The following PACC1 variants were observed in gnomAD, a reference collection of about 807,000 sequenced individuals.
PACC1 encodes proton activated chloride channel 1, also known as proton-activated chloride channel.
PACC1 carries 34 observed loss-of-function variants against 39.7 expected under a neutral mutation model. That is an observed-to-expected ratio of 0.86 (90% CI 0.65 to 1.14). PACC1 has a LOEUF of 1.14. Among genes scored for constraint, PACC1 ranks in the 50% most tolerant of loss-of-function variants. The pLI is 0.00. For missense variants in PACC1, 379 were observed against 436.4 expected (o/e 0.87, Z 1.17); for synonymous variants, 127 against 160.6 (o/e 0.79, Z 1.58).
intron 2 of PACC1, among the ~76,000 whole-genome samples, chr1:212,394,868 C>A (rs1025540098): frequency 2.0e-5 from 3 of 152,128 alleles, no homozygotes; most frequent in African/African-American, 4.8e-5. Context: ...ACCTAGGAAT[C>A]CAACTTACAA....
rs527628054 is a variant in PACC1 at position 212,375,936 on chromosome 1, C to T, written c.784-636G>A. On this transcript the variant is annotated intron_variant, in intron 6 of 7. Transcript: ENST00000261455. ...ACCATATTCAAACTACCATGTAAGA[C>T]TCACAATTAAAAGCAATAAAAATTC... 1.2e-4 allele frequency among the ~76,000 whole-genome samples: 18 copies of T among 152,294 alleles called. No individual in the cohort carries two copies. The South Asian group carries it at 3.5e-3, about 30-fold the overall frequency.
At chr1:212,408,874 C>A (rs1317468410) in intron 2 of PACC1, among the ~76,000 whole-genome samples, 1 of 152,212 alleles carries the variant, frequency 6.6e-6, no homozygotes, top group Non-Finnish European at 1.5e-5. Flanking sequence ...TCTAGTAGAA[C>A]AGGGGTCCCC....
At chr1:212,411,264 A>G (rs563292050) in intron 1 of PACC1, among the ~76,000 whole-genome samples, 61 of 152,340 alleles carry the variant, frequency 4.0e-4, no homozygotes, top group Non-Finnish European at 7.1e-4. Context: ...TCCCAAAGGA[A>G]GAGGAAATAC....
chr1:212,374,109 G>A lies in PACC1; in HGVS notation c.891+1084C>T, dbSNP rs73086404. On this transcript the variant is annotated intron_variant, in intron 7 of 7. Coordinates refer to ENST00000261455, the MANE Select transcript of PACC1 (RefSeq NM_018252.3). ...AGATATCCGCACTCCCATGTTTACT[G>A]TAGCACTATTCACAACAGCCAAGAT... is the stretch of plus-strand genomic sequence containing the variant. Among the ~76,000 whole-genome samples, 250 of 151,428 alleles carry A rather than the reference G, an allele frequency of 1.7e-3. 2 individuals are homozygous for A. Among genetic ancestry groups the A allele is most frequent in the African/African-American group, 5.9e-3 (242 of 41,270 alleles).
chr1:212,365,009 G>A lies in PACC1; in HGVS notation c.*206C>T, dbSNP rs1660178724. On this transcript the variant is annotated 3_prime_UTR_variant, in exon 8 of 8. Transcript: ENST00000261455. ...AATAATTTAAATATTTAAATAACTT[G>A]TAGGTTTATCCATTAGTCTCTTCTA... The A allele has an allele frequency of 2.7e-6, 1 of 373,228 alleles. No homozygotes were observed. The highest frequency in any genetic ancestry group is 2.1e-5 in the African/African-American group (1 of 47,810). The allele number at this position is 373,228 out of a possible 1,614,324, so 23.1% of individuals were successfully genotyped here.
chr1:212,370,076 C>T (rs113602172), intron 7 of PACC1, among the ~76,000 whole-genome samples: 5,204 of 152,160 alleles, frequency 0.034, 294 homozygotes, highest in African/African-American at 0.12. Flanking sequence ...CATCAACGTC[C>T]GACTCACAAA....
chr1:212,366,858 G>C (rs984345017), intron 7 of PACC1, among the ~76,000 whole-genome samples: 2 of 152,172 alleles, frequency 1.3e-5, no homozygotes, highest in African/African-American at 4.8e-5. Context: ...TAGTGGTAGT[G>C]GGTGATAGCA....
At chr1:212,368,312 A>G (rs893312740) in intron 7 of PACC1, among the ~76,000 whole-genome samples, 1 of 152,250 alleles carries the variant, frequency 6.6e-6, no homozygotes, top group East Asian at 1.9e-4. Context: ...ATAAACACCT[A>G]AATCTTCAAT....
At chr1:212,372,024 CCTGTAAT>C (rs765728007) in intron 7 of PACC1, among the ~76,000 whole-genome samples, 27 of 152,102 alleles carry the variant, frequency 1.8e-4, no homozygotes, top group Non-Finnish European at 3.4e-4. Context: ...GTGGCTCACT[CCTGTAAT>C]CCCAGCACTT....
At position 212,386,333 on chromosome 1, in the gene PACC1, T is replaced by C. The variant is rs1169577304; in HGVS notation, c.343+558A>G. Reference sequence around the variant, plus strand: ...AGCCCAGAGCAGATAGCTTGCTCTATAGCAGAGTGGACTCCCCACTCAGGG... The same window carrying C: ...AGCCCAGAGCAGATAGCTTGCTCTACAGCAGAGTGGACTCCCCACTCAGGG... On this transcript the variant is annotated intron_variant, in intron 3 of 7. Coordinates refer to ENST00000261455, the MANE Select transcript of PACC1 (RefSeq NM_018252.3). This position sits in a 1 kb window ranked among gnomAD's most constrained non-coding sequence, Gnocchi z 5.0. Among the ~76,000 whole-genome samples the C allele has an allele frequency of 2.0e-5, 3 of 152,134 alleles. No individual in the cohort carries two copies. The highest frequency in any genetic ancestry group is 7.2e-5 in the African/African-American group (3 of 41,424).
At chr1:212,401,824 C>T (rs1661726997) in intron 2 of PACC1, among the ~76,000 whole-genome samples, 1 of 151,604 alleles carries the variant, frequency 6.6e-6, no homozygotes, top group Non-Finnish European at 1.5e-5. Flanking sequence ...CAGGTGTGCA[C>T]CACCATACCT....
At chr1:212,413,087 C>T (rs987582316) in intron 1 of PACC1, among the ~76,000 whole-genome samples, 5 of 152,228 alleles carry the variant, frequency 3.3e-5, no homozygotes, top group Non-Finnish European at 4.4e-5. Flanking sequence ...AGACACATCT[C>T]ATTCCCCAGG....
chr1:212,376,125 A>G lies in PACC1; in HGVS notation c.784-825T>C, dbSNP rs74138132. On this transcript the variant is annotated intron_variant, in intron 6 of 7. Coordinates refer to ENST00000261455, the MANE Select transcript of PACC1 (RefSeq NM_018252.3). The stretch of plus-strand genomic sequence containing the variant: ...GTGTGCTTGGTGAGATCTGGTTGTC[A>G]ATTACTAAAGACGCTGTGTGGTGTA... Among the ~76,000 whole-genome samples the G allele has an allele frequency of 7.9e-3, 1,200 of 152,222 alleles. 17 individuals carry two copies. The highest frequency in any genetic ancestry group is 0.027 in the African/African-American group (1,130 of 41,526).
At chr1:212,396,983 C>T (rs1321621581) in intron 2 of PACC1, among the ~76,000 whole-genome samples, 4 of 151,980 alleles carry the variant, frequency 2.6e-5, no homozygotes, top group Non-Finnish European at 5.9e-5. Flanking sequence ...CTCTATCCAG[C>T]AAAACTTCAA....
chr1:212,381,336 A>G (rs1206640421), intron 4 of PACC1, among the ~76,000 whole-genome samples: 1 of 152,194 alleles, frequency 6.6e-6, no homozygotes. Flanking sequence ...ATTCCACACT[A>G]TTAATATTGT....
intron 7 of PACC1, among the ~76,000 whole-genome samples, chr1:212,366,578 C>T (rs1660254113): frequency 6.6e-6 from 1 of 152,046 alleles, no homozygotes; most frequent in South Asian, 2.1e-4. Context: ...TACTTCTAAG[C>T]TCAATTTAGC....
In PACC1 at chr1:212,414,830, T is replaced by G. The variant is rs561047276; in HGVS notation, c.-73A>C. ...CGCACGGACGCAGCACTGCGGCCGC[T>G]GCACCTGGACCTACCGGCTCCGCGA... is the stretch of plus-strand genomic sequence containing the variant. On this transcript the variant is annotated 5_prime_UTR_variant, in exon 1 of 8. Transcript: ENST00000261455. 6.3e-7 allele frequency: 1 copy of G among 1,590,096 alleles called. No individual in the cohort carries two copies. Among genetic ancestry groups the G allele is most frequent in the South Asian group, 1.1e-5 (1 of 90,308 alleles).
chr1:212,393,507 T>G (rs1661403213), intron 2 of PACC1, among the ~76,000 whole-genome samples: 1 of 152,142 alleles, frequency 6.6e-6, no homozygotes, highest in African/African-American at 2.4e-5. Flanking sequence ...ATTGACATAC[T>G]GACATCACAA....
chr1:212,382,533 C>G (rs2102491192), intron 4 of PACC1, among the ~76,000 whole-genome samples: 1 of 152,212 alleles, frequency 6.6e-6, no homozygotes, highest in Non-Finnish European at 1.5e-5. Context: ...AAGAAAGCAC[C>G]AGAAAATCAG....
Sources: allele counts gnomAD v4.1 joint callset (sites outside exome capture counted in the v4.1 genomes callset), GRCh38; gene constraint gnomAD v4.1.1; non-coding constraint Gnocchi (gnomAD v3.1); transcripts MANE v1.5; gene names NCBI Gene and HGNC (gene_info 2026-07-23, HGNC 2026-07-21).